The following TBXAS1 variants were observed in gnomAD, a reference collection of about 807,000 sequenced individuals.
The protein encoded by TBXAS1 is thromboxane A synthase 1.
In TBXAS1, 48 loss-of-function variants were observed where a neutral mutation model predicts 60.7. The observed-to-expected ratio is 0.79, with a 90% confidence interval of 0.63 to 1.01. The LOEUF (loss-of-function observed/expected upper bound fraction) is 1.01. Among genes scored for constraint, TBXAS1 ranks in the 50% least tolerant of loss-of-function variants. The pLI is 0.00. For missense variants in TBXAS1, 685 were observed against 686.3 expected (o/e 1.00, Z 0.02); for synonymous variants, 287 against 269.7 (o/e 1.06, Z -0.63).
chr7:139,973,463 A>G (rs1399965718), intron 9 of TBXAS1, among the ~76,000 whole-genome samples: 1 of 151,940 alleles, frequency 6.6e-6, no homozygotes, highest in Non-Finnish European at 1.5e-5. Flanking sequence ...ATGTGTGCTT[A>G]TGGCCCAGAC....
rs114258514 is a variant in TBXAS1, at chr7:140,019,211, A to G, written c.1528-814A>G. Among the ~76,000 whole-genome samples, 249 of 152,284 alleles carry G rather than the reference A, an allele frequency of 1.6e-3. 2 individuals are homozygous for G. Among genetic ancestry groups the G allele is most frequent in the South Asian group, 9.1e-3 (44 of 4,824 alleles). Reference sequence around the variant, plus strand: ...TTGGATGGGGGACATAGAGTCTGAGATACTGAAAGTGAACGCATCCACATA... The same window carrying G: ...TTGGATGGGGGACATAGAGTCTGAGGTACTGAAAGTGAACGCATCCACATA... On this transcript the variant is annotated intron_variant, in intron 12 of 12. Transcript: ENST00000448866.
At chr7:139,867,887 C>T (rs535834137) in intron 1 of TBXAS1, among the ~76,000 whole-genome samples, 1 of 151,756 alleles carries the variant, frequency 6.6e-6, no homozygotes, top group East Asian at 1.9e-4. Flanking sequence ...AGATAAAATA[C>T]AGGAAATTTT....
intron 3 of TBXAS1, among the ~76,000 whole-genome samples, chr7:139,783,630 AGGTAGAC>A (rs1242070232): frequency 6.6e-6 from 1 of 152,234 alleles, no homozygotes; most frequent in Non-Finnish European, 1.5e-5. Flanking sequence ...GCAGAAATAA[AGGTAGAC>A]TGAGGAGAGC....
chr7:139,981,446 G>A (rs1394654267), intron 9 of TBXAS1, among the ~76,000 whole-genome samples: 3 of 152,208 alleles, frequency 2.0e-5, no homozygotes, highest in African/African-American at 7.2e-5. Flanking sequence ...CTAGCTGACC[G>A]GTGGACATTA....
At chr7:139,941,286 G>A (rs1284717181) in intron 5 of TBXAS1, among the ~76,000 whole-genome samples, 1 of 152,142 alleles carries the variant, frequency 6.6e-6, no homozygotes, top group African/African-American at 2.4e-5. Flanking sequence ...CTCTACCTGT[G>A]TCTTTAAGTA....
intron 3 of TBXAS1, among the ~76,000 whole-genome samples, chr7:139,878,118 A>T (rs1477247839): frequency 6.6e-6 from 1 of 151,430 alleles, no homozygotes; most frequent in African/African-American, 2.4e-5. Flanking sequence ...TGAGAGAGAG[A>T]GAGAGAGAGA....
chr7:139,867,561 T>C (rs1801511314), intron 1 of TBXAS1, among the ~76,000 whole-genome samples: 1 of 152,084 alleles, frequency 6.6e-6, no homozygotes, highest in South Asian at 2.1e-4. Flanking sequence ...TTCACACACT[T>C]TGGAATCCCC....
At chr7:139,820,274 T>G (rs74777339) in intron 4 of TBXAS1, among the ~76,000 whole-genome samples, 1,631 of 152,208 alleles carry the variant, frequency 0.011, 18 homozygotes, top group Non-Finnish European at 0.015. Flanking sequence ...CGGGAGAGAT[T>G]TGACAACATC....
At chr7:140,001,924 A>G (rs947404550) in intron 9 of TBXAS1, among the ~76,000 whole-genome samples, 2 of 152,150 alleles carry the variant, frequency 1.3e-5, no homozygotes, top group Non-Finnish European at 2.9e-5. Flanking sequence ...CTCCTCACAG[A>G]GTCCCTGATC....
intron 5 of TBXAS1, among the ~76,000 whole-genome samples, chr7:139,950,073 C>T (rs1356925191): frequency 7.4e-6 from 1 of 135,520 alleles, no homozygotes; most frequent in African/African-American, 2.8e-5. Context: ...GAGACGGAGT[C>T]TCTCTCTGTC....
At chr7:139,807,219 T>C (rs1797900093) in intron 4 of TBXAS1, among the ~76,000 whole-genome samples, 1 of 152,142 alleles carries the variant, frequency 6.6e-6, no homozygotes, top group African/African-American at 2.4e-5. Context: ...ACTTTGCTCT[T>C]TGCTGGATTC....
intron 8 of TBXAS1, among the ~76,000 whole-genome samples, chr7:139,961,361 T>G (rs1810321151): frequency 1.3e-5 from 2 of 152,158 alleles, no homozygotes; most frequent in African/African-American, 4.8e-5. Context: ...TTTAAATCTA[T>G]CTATGTGATG....
At chr7:139,851,832 G>A (rs970358251) in intron 1 of TBXAS1, among the ~76,000 whole-genome samples, 1 of 152,154 alleles carries the variant, frequency 6.6e-6, no homozygotes, top group African/African-American at 2.4e-5. Context: ...CTGGATCCTT[G>A]CCCTGGAATT....
chr7:140,006,095 G>A (rs1814060891), intron 9 of TBXAS1, among the ~76,000 whole-genome samples: 1 of 152,206 alleles, frequency 6.6e-6, no homozygotes, highest in Non-Finnish European at 1.5e-5. Flanking sequence ...CTGAAGGCCG[G>A]CCTCCTGCTG....
chr7:139,826,424 G>A (rs1455058008), upstream of TBXAS1, among the ~76,000 whole-genome samples: 1 of 152,154 alleles, frequency 6.6e-6, no homozygotes, highest in Admixed American at 6.5e-5. Flanking sequence ...AACTACAGAG[G>A]AATAATTTTC....
Position 139,911,339 on chromosome 7 carries a change from C to A in TBXAS1, c.333+18C>A, listed in dbSNP as rs376980689. ...ACAGAATGGTACGTAGTTTTCTTTC[C>A]GCATATAGATGGATGGGGAATTGTT... On this transcript the variant is annotated intron_variant, in intron 4 of 12. Coordinates refer to ENST00000448866, the MANE Select transcript of TBXAS1 (RefSeq NM_001061.7). 6.3e-7 allele frequency: 1 copy of A among 1,598,732 alleles called. No individual in the cohort carries two copies. Among genetic ancestry groups the A allele is most frequent in the South Asian group, 1.1e-5 (1 of 90,764 alleles).
intron 4 of TBXAS1, among the ~76,000 whole-genome samples, chr7:139,793,731 G>A (rs1021864500): frequency 1.3e-5 from 2 of 152,186 alleles, no homozygotes; most frequent in African/African-American, 2.4e-5. Flanking sequence ...AGATTGAATA[G>A]CATAATAATG....
intron 10 of TBXAS1, among the ~76,000 whole-genome samples, chr7:140,014,915 A>AAAAAAAAAAAAAAG (rs1399908570): frequency 5.9e-5 from 9 of 151,488 alleles, no homozygotes; most frequent in East Asian, 3.9e-4. Flanking sequence ...TCTCAAAAAA[A>AAAAAAAAAAAAAAG]AAGAAGAAGA....
chr7:139,809,213 T>C (rs1369948540), intron 4 of TBXAS1, among the ~76,000 whole-genome samples: 3 of 128,478 alleles, frequency 2.3e-5, no homozygotes, highest in Admixed American at 1.7e-4. Flanking sequence ...GATAGATAGA[T>C]AGATAGATAG....
Sources: allele counts gnomAD v4.1 joint callset (sites outside exome capture counted in the v4.1 genomes callset), GRCh38; gene constraint gnomAD v4.1.1; transcripts MANE v1.5; gene names NCBI Gene and HGNC (gene_info 2026-07-23, HGNC 2026-07-21).